The following CTNND2 variants were observed in gnomAD, a reference collection of about 807,000 sequenced individuals.
CTNND2 encodes the protein catenin delta 2, also known as catenin delta-2.
A neutral mutation model predicts 144.4 loss-of-function variants in CTNND2; 22 were observed. That is an observed-to-expected ratio of 0.15 (90% confidence interval 0.11 to 0.22). The LOEUF is 0.22. CTNND2 is among the 10% of genes least tolerant of loss of function. The pLI, the probability that CTNND2 is intolerant of heterozygous loss-of-function variation, is 1.00. For synonymous variants in CTNND2, 751 were observed against 695.6 expected, an observed-to-expected ratio of 1.08 and a Z score of -1.25; for missense variants, 1,353 against 1,618.8, an observed-to-expected ratio of 0.84 and a Z score of 2.82.
chr5:11,534,256 T>C (rs368111324), intron 3 of CTNND2, among the ~76,000 whole-genome samples: 142 of 152,298 alleles, frequency 9.3e-4, no homozygotes, highest in African/African-American at 3.4e-3. Flanking sequence ...TTGTAGGCAC[T>C]AAAATCTCAT....
intron 12 of CTNND2, among the ~76,000 whole-genome samples, chr5:11,134,657 TGAC>T (rs1335491043): frequency 6.6e-6 from 1 of 152,240 alleles, no homozygotes; most frequent in African/African-American, 2.4e-5. Flanking sequence ...AGGCTCTGAA[TGAC>T]AAGACGAGAT....
intron 18 of CTNND2, among the ~76,000 whole-genome samples, chr5:11,004,129 C>A (rs1006621920): frequency 3.3e-5 from 5 of 152,144 alleles, no homozygotes; most frequent in East Asian, 3.9e-4. Context: ...ATGCAAAAAA[C>A]CAAAACAAAC....
intron 14 of CTNND2, among the ~76,000 whole-genome samples, 187 bp from the exon 15 acceptor site, chr5:11,098,935 G>A (rs549993921): frequency 6.6e-5 from 10 of 152,264 alleles, no homozygotes; most frequent in African/African-American, 2.2e-4. Context: ...CCTGCCCAGC[G>A]AGAGCTTGGG....
intron 1 of CTNND2, among the ~76,000 whole-genome samples, chr5:11,817,411 GAGAGAGAGAGA>G (rs1793031052): frequency 5.3e-3 from 2 of 378 alleles, no homozygotes; most frequent in African/African-American, 0.013. Context: ...AGAGAGGAGG[GAGAGAGAGAGA>G]GAGAGAGAGA....
chr5:11,473,583 T>C (rs1767441189), intron 3 of CTNND2, among the ~76,000 whole-genome samples: 1 of 152,134 alleles, frequency 6.6e-6, no homozygotes, highest in Non-Finnish European at 1.5e-5. Flanking sequence ...CAACATACAC[T>C]CAACAACTAC....
chr5:11,448,752 T>C (rs1320627388), intron 3 of CTNND2, among the ~76,000 whole-genome samples: 9 of 152,192 alleles, frequency 5.9e-5, no homozygotes, highest in Admixed American at 5.9e-4. Flanking sequence ...CACTGCAACC[T>C]CTGACTCCTG....
chr5:11,733,468 G>A (rs1228938398), intron 1 of CTNND2, among the ~76,000 whole-genome samples: 1 of 152,046 alleles, frequency 6.6e-6, no homozygotes, highest in East Asian at 1.9e-4. Flanking sequence ...GAGAGTAGAA[G>A]AAAAATAGAG....
At chr5:11,284,877 A>G (rs1488982740) in intron 9 of CTNND2, among the ~76,000 whole-genome samples, 1 of 152,134 alleles carries the variant, frequency 6.6e-6, no homozygotes, top group Non-Finnish European at 1.5e-5. Flanking sequence ...CACTGTCTGG[A>G]CTGAGAATGG....
chr5:11,687,330 C>T (rs1222787412), intron 2 of CTNND2, among the ~76,000 whole-genome samples: 1 of 152,244 alleles, frequency 6.6e-6, no homozygotes, highest in African/African-American at 2.4e-5. Context: ...TCCTGCCCAC[C>T]TCACTGGCCT....
At chr5:11,204,246 G>A (rs1379334223) in intron 10 of CTNND2, among the ~76,000 whole-genome samples, 1 of 152,184 alleles carries the variant, frequency 6.6e-6, no homozygotes, top group Non-Finnish European at 1.5e-5. Flanking sequence ...TACAGTGAGG[G>A]CATTCTTGAA....
At chr5:11,537,897 T>C (rs1269227462) in intron 3 of CTNND2, among the ~76,000 whole-genome samples, 2 of 152,218 alleles carry the variant, frequency 1.3e-5, no homozygotes, top group Non-Finnish European at 2.9e-5. Flanking sequence ...TTATGGAGAA[T>C]GGACTCATAA....
intron 2 of CTNND2, among the ~76,000 whole-genome samples, chr5:11,570,542 C>T (rs1777479695): frequency 6.6e-6 from 1 of 152,100 alleles, no homozygotes; most frequent in African/African-American, 2.4e-5. Context: ...AAATCATTTT[C>T]CTTCAGGGTT....
chr5:11,809,528 G>A (rs182018850), intron 1 of CTNND2, among the ~76,000 whole-genome samples: 2 of 152,310 alleles, frequency 1.3e-5, no homozygotes, highest in East Asian at 3.9e-4. Context: ...TCAACAAAGA[G>A]TAAGTCATGG....
At chr5:11,689,331 T>C (rs1303373735) in intron 2 of CTNND2, among the ~76,000 whole-genome samples, 1 of 152,246 alleles carries the variant, frequency 6.6e-6, no homozygotes, top group Non-Finnish European at 1.5e-5. Flanking sequence ...GTATTAAAAA[T>C]GATGAACTGT....
chr5:11,763,556 TG>T (rs1789400756), intron 1 of CTNND2, among the ~76,000 whole-genome samples: 1 of 152,214 alleles, frequency 6.6e-6, no homozygotes, highest in Non-Finnish European at 1.5e-5. Context: ...TAGCTTTAAT[TG>T]TCCTCCAAAT....
At chr5:11,845,727 G>A (rs893073086) in intron 1 of CTNND2, among the ~76,000 whole-genome samples, 7 of 152,114 alleles carry the variant, frequency 4.6e-5, no homozygotes, top group Non-Finnish European at 7.4e-5. Context: ...TAATACAATC[G>A]TCAAGACGAT....
chr5:11,060,196 C>T (rs576763373), intron 16 of CTNND2, among the ~76,000 whole-genome samples: 1 of 152,250 alleles, frequency 6.6e-6, no homozygotes, highest in Admixed American at 6.5e-5. Flanking sequence ...GGGAGCTACC[C>T]CCACTGCATT....
At chr5:11,260,921 T>C (rs1447729593) in intron 9 of CTNND2, among the ~76,000 whole-genome samples, 2 of 152,168 alleles carry the variant, frequency 1.3e-5, no homozygotes, top group Non-Finnish European at 2.9e-5. Context: ...GGTTATTAAA[T>C]TAATTCTGAC....
At chr5:11,382,597 G>GTGTATATGTA (rs68065137) in intron 7 of CTNND2, among the ~76,000 whole-genome samples, 16 of 29,950 alleles carry the variant, frequency 5.3e-4, no homozygotes, top group Admixed American at 2.7e-3. Flanking sequence ...GTGAGACTCT[G>GTGTATATGTA]TGTGTGTGTG....
Sources: allele counts gnomAD v4.1 joint callset (sites outside exome capture counted in the v4.1 genomes callset), GRCh38; gene constraint gnomAD v4.1.1; transcripts MANE v1.5; gene names NCBI Gene and HGNC (gene_info 2026-07-23, HGNC 2026-07-21).